Variants in ZMYM2 observed in about 807,000 individuals in gnomAD.
ZMYM2 encodes zinc finger MYM-type containing 2.
A neutral mutation model predicts 162.8 loss-of-function variants in ZMYM2; 56 were observed. The ratio of observed to expected loss-of-function variants is 0.34; its 90% CI spans 0.28 to 0.43. The LOEUF (loss-of-function observed/expected upper bound fraction) is 0.43, where lower values mean the gene tolerates loss of function less well. Among genes scored for constraint, ZMYM2 ranks in the 20% least tolerant of loss-of-function variants. ZMYM2 has a pLI of 1.00. For synonymous variants in ZMYM2, 510 were observed against 541.6 expected (o/e 0.94, Z 0.81); for missense variants, 1,275 against 1,621.8 (o/e 0.79, Z 3.67).
intron 1 of ZMYM2, among the ~76,000 whole-genome samples, chr13:19,959,502 G>A (rs932422731): frequency 6.6e-6 from 1 of 152,184 alleles, no homozygotes; most frequent in Non-Finnish European, 1.5e-5. Flanking sequence ...CTGCAGGGGG[G>A]GGCAAACCTC....
chr13:19,883,323 G>A, the ZMYM2 span, among the ~76,000 whole-genome samples: 8 of 152,176 alleles, frequency 5.3e-5, no homozygotes, highest in African/African-American at 1.9e-4. Context: ...ACTTGATAAA[G>A]GTGGTGGTTG....
chr13:20,064,479 A>G lies in ZMYM2; in HGVS notation c.3066A>G (p.Glu1022=). The change falls in exon 19 of 25, where the codon GAA becomes GAG. Residue 1022 remains glutamate (E), a synonymous_variant. Transcript: ENST00000610343. The stretch of plus-strand genomic sequence containing the variant: ...CTGAGGAGCTTGATATGGAAAATGA[A>G]TTTTTATTACCACCTGTTTTTGGCG... The part of the protein sequence containing the change: ...RAAEELDMEN[E]FLLPPVFGEE... The G allele has an allele frequency of 6.2e-7, 1 of 1,600,992 alleles. No homozygotes were observed. Among genetic ancestry groups the G allele is most frequent in the Non-Finnish European group, 8.5e-7 (1 of 1,173,546 alleles).
intron 6 of ZMYM2, among the ~76,000 whole-genome samples, chr13:20,016,677 G>C (rs1951658444): frequency 6.6e-6 from 1 of 151,890 alleles, no homozygotes; most frequent in Non-Finnish European, 1.5e-5. Context: ...ACTGCCTTTT[G>C]GCCTCCATGG....
chr13:19,974,838 A>G (rs892780314), intron 2 of ZMYM2, among the ~76,000 whole-genome samples: 3 of 152,162 alleles, frequency 2.0e-5, no homozygotes, highest in African/African-American at 7.2e-5. Context: ...TTGGTCAAAG[A>G]AATGTTTTTT....
At position 20,087,735 on chromosome 13, in the gene ZMYM2, TTGAG is replaced by T. The variant is rs1043334960; in HGVS notation, c.*1725_*1728del. On this transcript the variant is annotated 3_prime_UTR_variant, in exon 25 of 25. Coordinates refer to ENST00000610343, the MANE Select transcript of ZMYM2 (RefSeq NM_197968.4). ...TTTTCAGTCCCTTGATTTTATATTG[TTGAG>T]TGATAATCAGACTGATAGTAGCAAA... 29 of 186,374 alleles carry T rather than the reference TTGAG, an allele frequency of 1.6e-4. No individual in the cohort carries two copies. The highest frequency in any genetic ancestry group is 3.1e-4 in the Admixed American group (5 of 16,126). 11.5% of individuals were successfully genotyped at this position (186,374 alleles called of 1,614,324 possible). A position where few individuals can be genotyped will look rare whatever the true frequency, so the allele number is the denominator to read the frequency against.
At chr13:20,059,223 A>T (rs1956047224) in intron 15 of ZMYM2, among the ~76,000 whole-genome samples, 3 of 152,132 alleles carry the variant, frequency 2.0e-5, no homozygotes, top group East Asian at 1.9e-4. Context: ...TTTCTTAAAA[A>T]AAAAAAATCC....
intron 9 of ZMYM2, among the ~76,000 whole-genome samples, chr13:20,029,070 C>CA (rs2140281788): frequency 6.6e-6 from 1 of 152,246 alleles, no homozygotes; most frequent in African/African-American, 2.4e-5. Context: ...ATAGTATTCC[C>CA]ACTTAGTCCA....
the ZMYM2 span, among the ~76,000 whole-genome samples, chr13:19,883,981 T>C: frequency 1.3e-5 from 2 of 152,182 alleles, no homozygotes; most frequent in African/African-American, 4.8e-5. Flanking sequence ...GGTCTCAAAC[T>C]CTTCACCTCC....
At chr13:19,932,646 CAA>C in the ZMYM2 span, among the ~76,000 whole-genome samples, 1 of 141,032 alleles carries the variant, frequency 7.1e-6, no homozygotes, top group Non-Finnish European at 1.6e-5. Context: ...AATTCATCTC[CAA>C]AAAAAAAAAG....
the ZMYM2 span, among the ~76,000 whole-genome samples, chr13:19,912,170 G>A: frequency 6.6e-6 from 1 of 152,114 alleles, no homozygotes; most frequent in South Asian, 2.1e-4. Context: ...TGTCCGTAAG[G>A]TCCACCAGAA....
chr13:19,907,824 G>A, the ZMYM2 span, among the ~76,000 whole-genome samples: 5 of 136,308 alleles, frequency 3.7e-5, no homozygotes, highest in Non-Finnish European at 4.8e-5. Context: ...AAAAGAGAAC[G>A]AAAAAAAGGT....
At chr13:19,922,883 G>A in the ZMYM2 span, among the ~76,000 whole-genome samples, 3 of 151,916 alleles carry the variant, frequency 2.0e-5, no homozygotes, top group Non-Finnish European at 2.9e-5. Flanking sequence ...TTAGCTGAGC[G>A]AGGTGGCGCA....
chr13:20,081,870 C>T (rs979469165), intron 21 of ZMYM2, 146 bp from the exon 22 acceptor site: 1 of 486,126 alleles, frequency 2.1e-6, no homozygotes, highest in African/African-American at 2.0e-5. Flanking sequence ...TTTCTAGGTG[C>T]ATACATAAAA....
At chr13:20,019,106 C>A (rs1315259654) in intron 6 of ZMYM2, among the ~76,000 whole-genome samples, 12 of 134,930 alleles carry the variant, frequency 8.9e-5, no homozygotes, top group South Asian at 2.3e-4. Context: ...ACAACAACAA[C>A]AAAAAAAAAC....
At chr13:19,973,683 A>AC (rs1368261264) in intron 2 of ZMYM2, among the ~76,000 whole-genome samples, 1 of 150,902 alleles carries the variant, frequency 6.6e-6, no homozygotes, top group Non-Finnish European at 1.5e-5. Context: ...AAAAAAAAAA[A>AC]AAAAAACACC....
At chr13:19,871,231 T>C in the ZMYM2 span, among the ~76,000 whole-genome samples, 1 of 151,974 alleles carries the variant, frequency 6.6e-6, no homozygotes, top group Admixed American at 6.6e-5. Flanking sequence ...CAAATTATAA[T>C]AACACAGAAA....
the ZMYM2 span, among the ~76,000 whole-genome samples, chr13:19,927,087 A>G: frequency 1.3e-5 from 2 of 152,208 alleles, no homozygotes; most frequent in African/African-American, 2.4e-5. Flanking sequence ...CCATTGGCAA[A>G]AGTGATATTC....
the ZMYM2 span, among the ~76,000 whole-genome samples, chr13:19,926,471 C>G: frequency 6.7e-6 from 1 of 148,850 alleles, no homozygotes; most frequent in Non-Finnish European, 1.5e-5. Context: ...TCAAGTGATT[C>G]TCCTGCCTTA....
chr13:20,079,741 G>T (rs1360844216), intron 21 of ZMYM2, among the ~76,000 whole-genome samples: 1 of 152,070 alleles, frequency 6.6e-6, no homozygotes, highest in Non-Finnish European at 1.5e-5. Flanking sequence ...TTAAGTGTTC[G>T]CACTTCATTT....
Sources: gnomAD v4.1 joint callset for allele counts (sites outside exome capture counted in the v4.1 genomes callset) on GRCh38, gnomAD v4.1.1 for gene constraint, MANE v1.5 for transcripts, NCBI Gene and HGNC (gene_info 2026-07-23, HGNC 2026-07-21) for gene names.